The following DNM3 variants were observed in gnomAD, a reference collection of about 807,000 sequenced individuals.
DNM3 encodes the protein dynamin-3.
A neutral mutation model predicts 101.6 loss-of-function variants in DNM3; 47 were observed. That is an observed-to-expected ratio of 0.46 (90% CI 0.37 to 0.59). DNM3 has a LOEUF of 0.59. Among genes scored for constraint, DNM3 ranks in the 20% least tolerant of loss-of-function variants. The pLI is 0.00. For missense variants in DNM3, 849 were observed against 1,085.7 expected (o/e 0.78, Z 3.06); for synonymous variants, 385 against 387.9 (o/e 0.99, Z 0.09).
At chr1:172,203,264 G>T (rs924286874) in intron 14 of DNM3, among the ~76,000 whole-genome samples, 2 of 152,102 alleles carry the variant, frequency 1.3e-5, no homozygotes, top group Admixed American at 6.6e-5. Context: ...CTTTCCAGAC[G>T]CTGTGTTTAG....
intron 14 of DNM3, among the ~76,000 whole-genome samples, chr1:172,158,844 T>C (rs2058442341): frequency 6.6e-6 from 1 of 152,118 alleles, no homozygotes; most frequent in African/African-American, 2.4e-5. Flanking sequence ...TACTCTACTA[T>C]GTGAGCTACA....
intron 13 of DNM3, among the ~76,000 whole-genome samples, chr1:172,129,782 T>A (rs899211895): frequency 2.0e-5 from 3 of 152,142 alleles, no homozygotes; most frequent in African/African-American, 7.2e-5. Flanking sequence ...AAGATGAGAT[T>A]TGGGTGGGGA....
intron 2 of DNM3, among the ~76,000 whole-genome samples, chr1:171,982,933 C>A (rs2044919523): frequency 6.6e-6 from 1 of 152,112 alleles, no homozygotes; most frequent in Non-Finnish European, 1.5e-5. Context: ...CTTTCCTGTT[C>A]CTATGGATGC....
Position 171,881,099 on chromosome 1 carries a change from A to G in DNM3, c.161+39282A>G, listed in dbSNP as rs1023055848. On this transcript the variant is annotated intron_variant, in intron 1 of 20. Coordinates refer to ENST00000627582, the MANE Select transcript of DNM3 (RefSeq NM_015569.5). ...TTTTATTGAAGGCAGTTATGATACCATCTTGTCACTTTTCCTAATAATTGT... is the reference window on the plus strand; with the variant it reads ...TTTTATTGAAGGCAGTTATGATACCGTCTTGTCACTTTTCCTAATAATTGT... Among the ~76,000 whole-genome samples, 6 of 152,278 alleles carry G rather than the reference A, an allele frequency of 3.9e-5. No homozygotes were observed. In the East Asian group the frequency reaches 9.6e-4, roughly 24 times the overall value.
At chr1:172,254,425 C>A (rs752421277) in intron 15 of DNM3, among the ~76,000 whole-genome samples, 1 of 152,104 alleles carries the variant, frequency 6.6e-6, no homozygotes, top group Non-Finnish European at 1.5e-5. Context: ...TCAGTTATGG[C>A]AAATAAAAAT....
chr1:171,934,773 A>G (rs2041282741), intron 2 of DNM3, among the ~76,000 whole-genome samples: 1 of 152,202 alleles, frequency 6.6e-6, no homozygotes, highest in Admixed American at 6.5e-5. Context: ...ACTTTGTCAT[A>G]ACCCTAGAAA....
intron 14 of DNM3, among the ~76,000 whole-genome samples, chr1:172,237,272 A>G (rs2061580155): frequency 6.6e-6 from 1 of 151,864 alleles, no homozygotes; most frequent in South Asian, 2.1e-4. Flanking sequence ...TCTTTTTTGA[A>G]CTTAAGGATT....
At chr1:172,073,395 A>G (rs1001231809) in intron 11 of DNM3, among the ~76,000 whole-genome samples, 1 of 152,140 alleles carries the variant, frequency 6.6e-6, no homozygotes, top group Non-Finnish European at 1.5e-5. Flanking sequence ...GCATATAGGT[A>G]TATATGTGTA....
At chr1:172,062,373 C>T (rs1558507663) in intron 10 of DNM3, among the ~76,000 whole-genome samples, 4 of 152,204 alleles carry the variant, frequency 2.6e-5, no homozygotes, top group South Asian at 4.1e-4. Context: ...AAGTTTTATT[C>T]ACTCAAGGTT....
intron 2 of DNM3, among the ~76,000 whole-genome samples, chr1:171,950,433 A>G (rs2042446624): frequency 6.6e-6 from 1 of 152,182 alleles, no homozygotes; most frequent in African/African-American, 2.4e-5. Context: ...ATACTGTGTT[A>G]CTAGATGATT....
At chr1:172,121,322 T>G (rs1156546654) in intron 13 of DNM3, among the ~76,000 whole-genome samples, 1 of 152,228 alleles carries the variant, frequency 6.6e-6, no homozygotes. Context: ...AGTGAACTCT[T>G]AGAAATAACT....
intron 1 of DNM3, among the ~76,000 whole-genome samples, chr1:171,881,192 T>G (rs2036240390): frequency 6.6e-6 from 1 of 152,204 alleles, no homozygotes; most frequent in Admixed American, 6.5e-5. Flanking sequence ...TATGAAACAT[T>G]TGTTTACTAA....
At chr1:172,011,638 CTT>C (rs1395634627) in intron 4 of DNM3, among the ~76,000 whole-genome samples, 1 of 151,974 alleles carries the variant, frequency 6.6e-6, no homozygotes, top group Non-Finnish European at 1.5e-5. Context: ...CTGTTATTCT[CTT>C]ATATTCAGAA....
chr1:171,855,912 C>T (rs536467329), intron 1 of DNM3, among the ~76,000 whole-genome samples: 2 of 152,170 alleles, frequency 1.3e-5, no homozygotes, highest in East Asian at 3.9e-4. Flanking sequence ...GTTGTTATTG[C>T]TTTTGGTGTC....
chr1:172,409,215 A>G lies in DNM3; in HGVS notation c.*1374A>G. The G allele has an allele frequency of 1.0e-6, 1 of 985,394 alleles. No homozygotes were observed. The highest frequency in any genetic ancestry group is 1.2e-6 in the Non-Finnish European group (1 of 829,894). The allele number at this position is 985,394 out of a possible 1,614,324, so 61.0% of individuals were successfully genotyped here. ...ACAGCAGAGCAAGTATTCACTGAGT[A>G]GGGGTGTCCCATGACACTATTTCAT... On this transcript the variant is annotated 3_prime_UTR_variant, in exon 21 of 21. Transcript: ENST00000627582.
intron 1 of DNM3, among the ~76,000 whole-genome samples, chr1:171,921,153 G>A (rs1191449379): frequency 7.8e-6 from 1 of 128,510 alleles, no homozygotes; most frequent in African/African-American, 2.9e-5. Context: ...TTGCTATGTT[G>A]TCCAGGCTGG....
chr1:172,119,753 A>G (rs1314108016), intron 13 of DNM3, among the ~76,000 whole-genome samples: 1 of 151,526 alleles, frequency 6.6e-6, no homozygotes, highest in Non-Finnish European at 1.5e-5. Flanking sequence ...TGACTCCTCC[A>G]CTCCCTAAAC....
chr1:172,133,270 A>T, intron 14 of DNM3: 2 of 1,064,076 alleles, frequency 1.9e-6, no homozygotes, highest in South Asian at 8.5e-5. Context: ...GCTCTTGGTT[A>T]TTGGCTCATC....
chr1:172,131,350 T>C, intron 14 of DNM3, 62 bp downstream of exon 14: 2 of 1,410,446 alleles, frequency 1.4e-6, no homozygotes, highest in Non-Finnish European at 2.0e-6. Flanking sequence ...AATTAACTGA[T>C]ATTATTATAC....
Sources: allele counts gnomAD v4.1 joint callset (sites outside exome capture counted in the v4.1 genomes callset), GRCh38; gene constraint gnomAD v4.1.1; transcripts MANE v1.5; gene names NCBI Gene and HGNC (gene_info 2026-07-23, HGNC 2026-07-21).